EHF: variants seen among roughly 807,000 people sequenced by gnomAD.
EHF encodes ESE3 transcription factor.
In EHF, 14 loss-of-function variants were observed where a neutral mutation model predicts 45.1. That is an observed-to-expected ratio of 0.31 (90% CI 0.21 to 0.49). The LOEUF (loss-of-function observed/expected upper bound fraction) is 0.49, where lower values mean the gene tolerates loss of function less well. EHF is among the 20% of genes least tolerant of loss of function. The pLI, the probability that EHF is intolerant of heterozygous loss-of-function variation, is 0.99. For synonymous variants in EHF, 136 were observed against 131.8 expected, an observed-to-expected ratio of 1.03 and a Z score of -0.22; for missense variants, 282 against 371.4, an observed-to-expected ratio of 0.76 and a Z score of 1.98.
chr11:34,651,335 G>A (rs1458407782), intron 4 of EHF, among the ~76,000 whole-genome samples: 1 of 152,082 alleles, frequency 6.6e-6, no homozygotes, highest in African/African-American at 2.4e-5. Context: ...AGAACACATG[G>A]ATGAGGCCAT....
chr11:34,628,305 T>C (rs1852554553), intron 1 of EHF, among the ~76,000 whole-genome samples: 1 of 152,200 alleles, frequency 6.6e-6, no homozygotes, highest in African/African-American at 2.4e-5. Flanking sequence ...ATATCACACA[T>C]TTATTTTAAA....
At chr11:34,641,602 C>T (rs1026743726) in intron 1 of EHF, among the ~76,000 whole-genome samples, 2 of 152,084 alleles carry the variant, frequency 1.3e-5, no homozygotes, top group Admixed American at 6.6e-5. Flanking sequence ...CTCTCCCCAC[C>T]CCAACATTTT....
rs1856190764 is a variant in EHF, at chr11:34,663,194, C to T, written c.*4263C>T. Reference sequence around the variant, plus strand: ...TAAATTCAAACTATTCCTGCTATTCCTGTTTTGTCAAAGAATTATATTTTT... The same window carrying T: ...TAAATTCAAACTATTCCTGCTATTCTTGTTTTGTCAAAGAATTATATTTTT... On this transcript the variant is annotated 3_prime_UTR_variant, in exon 9 of 9. Coordinates refer to ENST00000257831, the MANE Select transcript of EHF (RefSeq NM_012153.6). Among the ~76,000 whole-genome samples the T allele has an allele frequency of 1.3e-5, 2 of 151,852 alleles. No homozygotes were observed. The highest frequency in any genetic ancestry group is 1.3e-4 in the Admixed American group (2 of 15,214).
At chr11:34,643,811 T>C (rs1285922654) in intron 2 of EHF, among the ~76,000 whole-genome samples, 1 of 152,146 alleles carries the variant, frequency 6.6e-6, no homozygotes, top group Admixed American at 6.5e-5. Flanking sequence ...GTCTTTGGCA[T>C]CCCCAGGACC....
At chr11:34,622,529 A>C in intron 1 of EHF, 1 of 434,918 alleles carries the variant, frequency 2.3e-6, no homozygotes. Context: ...ACAGAAAAGA[A>C]GAAGATACGT....
At chr11:34,656,053 T>TAC (rs61484102) in intron 6 of EHF, among the ~76,000 whole-genome samples, 399 of 149,542 alleles carry the variant, frequency 2.7e-3, no homozygotes, top group African/African-American at 8.8e-3. Flanking sequence ...GTCCTCCCAA[T>TAC]ACACACACAC....
chr11:34,639,471 C>T (rs891197363), intron 1 of EHF, among the ~76,000 whole-genome samples: 53 of 152,190 alleles, frequency 3.5e-4, no homozygotes, highest in African/African-American at 1.3e-3. Context: ...CATTCCATCT[C>T]AACAGTCCTG....
intron 3 of EHF, 152 bp from the exon 4 acceptor site, chr11:34,648,867 C>CT: frequency 1.5e-6 from 1 of 678,104 alleles, no homozygotes; most frequent in Non-Finnish European, 2.5e-6. Flanking sequence ...TTTGTAGAGG[C>CT]TGACAGAGAA....
chr11:34,630,707 T>C (rs1027772490), intron 1 of EHF, among the ~76,000 whole-genome samples: 3 of 152,126 alleles, frequency 2.0e-5, no homozygotes, highest in African/African-American at 7.2e-5. Context: ...AAGGGTGTTG[T>C]TAAATCTTTT....
chr11:34,651,927 A>G, intron 6 of EHF, 122 bp downstream of exon 6: 2 of 969,722 alleles, frequency 2.1e-6, no homozygotes. Flanking sequence ...TAGGAAAGGG[A>G]TGGGGTTACC....
intron 6 of EHF, among the ~76,000 whole-genome samples, chr11:34,656,013 A>T (rs992309136): frequency 1.3e-5 from 2 of 151,944 alleles, no homozygotes; most frequent in African/African-American, 4.8e-5. Flanking sequence ...CTGATTTTTG[A>T]GTGTGAGAGT....
chr11:34,654,632 T>C (rs1190109716), intron 6 of EHF, among the ~76,000 whole-genome samples: 1 of 152,114 alleles, frequency 6.6e-6, no homozygotes, highest in Non-Finnish European at 1.5e-5. Flanking sequence ...TTCCTCATGG[T>C]TTATCTAGTG....
chr11:34,655,095 G>A (rs1276922728), intron 6 of EHF, among the ~76,000 whole-genome samples: 1 of 152,144 alleles, frequency 6.6e-6, no homozygotes, highest in Non-Finnish European at 1.5e-5. Flanking sequence ...TACAGGGAGG[G>A]AGAGTGAAGT....
At chr11:34,658,465 C>A in intron 7 of EHF, 68 bp from the exon 8 acceptor site, 1 of 1,379,960 alleles carries the variant, frequency 7.2e-7, no homozygotes, top group Non-Finnish European at 1.0e-6. Context: ...TGACCTAACT[C>A]AATGCTCTCT....
chr11:34,642,587 C>A (rs1282508929), intron 1 of EHF, 41 bp from the exon 2 acceptor site: 1 of 1,251,822 alleles, frequency 8.0e-7, no homozygotes, highest in Non-Finnish European at 1.2e-6. Flanking sequence ...GACATTTGTC[C>A]AAGAGGCACT....
chr11:34,622,344 G>A (rs1852038539), intron 1 of EHF: 1 of 1,159,438 alleles, frequency 8.6e-7, no homozygotes, highest in Admixed American at 2.3e-5. Context: ...GTAACAGGGA[G>A]AAAGTGAGTG....
In EHF at chr11:34,663,272, A is replaced by G. The variant is rs1286302004; in HGVS notation, c.*4341A>G. On this transcript the variant is annotated 3_prime_UTR_variant, in exon 9 of 9. Transcript: ENST00000257831. ...CCCAGGAAACACTAATAAAAACCAC[A>G]GAGACCAGCCTGGAAATGCGTGTTT... Among the ~76,000 whole-genome samples the G allele has an allele frequency of 1.3e-5, 2 of 152,168 alleles. No homozygotes were observed. Among genetic ancestry groups the G allele is most frequent in the Non-Finnish European group, 2.9e-5 (2 of 68,030 alleles).
At chr11:34,642,299 A>AG in intron 1 of EHF, 1 of 176,912 alleles carries the variant, frequency 5.7e-6, no homozygotes, top group Non-Finnish European at 1.2e-5. Flanking sequence ...GTAAAAAAAA[A>AG]AGAAAAAAAA....
chr11:34,651,925 G>A, intron 6 of EHF, 120 bp downstream of exon 6: 3 of 979,402 alleles, frequency 3.1e-6, no homozygotes, highest in Non-Finnish European at 4.5e-6. Flanking sequence ...GCTAGGAAAG[G>A]GATGGGGTTA....
Sources: gnomAD v4.1 joint callset for allele counts (sites outside exome capture counted in the v4.1 genomes callset) on GRCh38, gnomAD v4.1.1 for gene constraint, MANE v1.5 for transcripts, NCBI Gene and HGNC (gene_info 2026-07-23, HGNC 2026-07-21) for gene names.